Variants in COL18A1 observed in about 807,000 individuals in gnomAD.
COL18A1 encodes the protein collagen alpha-1(XVIII) chain.
In COL18A1, 133 loss-of-function variants were observed where a neutral mutation model predicts 168.0. The observed-to-expected ratio is 0.79, with a 90% confidence interval of 0.69 to 0.91. COL18A1 has a LOEUF of 0.91. Among genes scored for constraint, COL18A1 ranks in the 40% least tolerant of loss-of-function variants. The probability of loss-of-function intolerance (pLI) is 0.00; values close to 1 mark genes in which losing one functional copy is unlikely to be tolerated. For missense variants in COL18A1, 2,126 were observed against 1,925.4 expected (o/e 1.10, Z -1.95); for synonymous variants, 949 against 809.0 (o/e 1.17, Z -2.94).
Position 45,487,434 on chromosome 21 carries a change from G to T in COL18A1, c.1834-13G>T, listed in dbSNP as rs780879170. On this transcript the variant is annotated splice_polypyrimidine_tract_variant and intron_variant, in intron 16 of 41. Coordinates refer to ENST00000651438, the MANE Select transcript of COL18A1 (RefSeq NM_001379500.1). ...GGACACAGGCCCCTACGTGTCTCGT[G>T]TGTCTCTTCCAGGATGACATGGAAG... is the stretch of plus-strand genomic sequence containing the variant. The T allele has an allele frequency of 1.2e-6, 2 of 1,612,576 alleles. No homozygotes were observed. Among genetic ancestry groups the T allele is most frequent in the Admixed American group, 1.7e-5 (1 of 60,036 alleles).
chr21:45,482,308 G>C, intron 14 of COL18A1: 1 of 672,486 alleles, frequency 1.5e-6, no homozygotes, highest in Non-Finnish European at 2.7e-6. Context: ...CGTTGGTTAC[G>C]GGGCAGTGGC....
At chr21:45,438,357 C>T (rs1029797774) in intron 2 of COL18A1, among the ~76,000 whole-genome samples, 2 of 142,900 alleles carry the variant, frequency 1.4e-5, no homozygotes, top group African/African-American at 5.4e-5. Context: ...CTCAGACACA[C>T]AGGCACTCTC....
At chr21:45,482,093 TGCCTGGTGAC>T in intron 14 of COL18A1, 68 bp downstream of exon 14, 2 of 1,306,278 alleles carry the variant, frequency 1.5e-6, no homozygotes, top group South Asian at 2.4e-5. Flanking sequence ...GGTCCGGGGG[TGCCTGGTGAC>T]GCCCGTGAAG....
chr21:45,481,138 C>T lies in COL18A1; in HGVS notation c.1611+280C>T, dbSNP rs57312508. ...TGGCCCTGTGGGTCCACGGACTGCACAGAGAGCGTCTCCATGAGCAATTCC... is the reference window on the plus strand; with the variant it reads ...TGGCCCTGTGGGTCCACGGACTGCATAGAGAGCGTCTCCATGAGCAATTCC... On this transcript the variant is annotated intron_variant, in intron 13 of 41. Transcript: ENST00000651438. 2.1e-3 allele frequency among the ~76,000 whole-genome samples: 322 copies of T among 152,260 alleles called. 4 individuals are homozygous for T. Among genetic ancestry groups the T allele is most frequent in the African/African-American group, 7.3e-3 (305 of 41,556 alleles).
intron 2 of COL18A1, among the ~76,000 whole-genome samples, chr21:45,437,054 G>A (rs929399243): frequency 2.6e-5 from 4 of 152,014 alleles, no homozygotes. Flanking sequence ...AGGTTCTGCA[G>A]GTGAGGGTGT....
chr21:45,481,185 C>T (rs1367344857), intron 13 of COL18A1, among the ~76,000 whole-genome samples: 2 of 152,166 alleles, frequency 1.3e-5, no homozygotes, highest in African/African-American at 2.4e-5. Flanking sequence ...GTGGGAGGGC[C>T]GAGGTCAGCA....
intron 15 of COL18A1, among the ~76,000 whole-genome samples, chr21:45,483,050 C>T (rs985726436): frequency 9.2e-5 from 14 of 152,222 alleles, no homozygotes; most frequent in Non-Finnish European, 2.9e-5. Flanking sequence ...ATGTGGCTTC[C>T]GCCGAGCTCT....
intron 18 of COL18A1, among the ~76,000 whole-genome samples, chr21:45,488,811 A>G (rs1301138863): frequency 6.6e-6 from 1 of 152,064 alleles, no homozygotes; most frequent in Non-Finnish European, 1.5e-5. Flanking sequence ...GGGCTCAGGG[A>G]CAGAGCCGTG....
chr21:45,413,164 C>T (rs1047999712), intron 2 of COL18A1, among the ~76,000 whole-genome samples: 1 of 152,218 alleles, frequency 6.6e-6, no homozygotes, highest in Non-Finnish European at 1.5e-5. Flanking sequence ...ACCCTTAGGG[C>T]AGAGCCCCGT....
intron 2 of COL18A1, among the ~76,000 whole-genome samples, chr21:45,437,714 A>T (rs2034205951): frequency 1.2e-5 from 1 of 80,694 alleles, no homozygotes; most frequent in East Asian, 4.2e-4. Context: ...ACTCAGACAC[A>T]CAGGCACTCT....
chr21:45,484,943 C>CA (rs2036056550), intron 15 of COL18A1, among the ~76,000 whole-genome samples: 1 of 152,090 alleles, frequency 6.6e-6, no homozygotes, highest in African/African-American at 2.4e-5. Flanking sequence ...TAGAACCCTA[C>CA]AACCTAATTG....
At position 45,509,454 on chromosome 21, in the gene COL18A1, G is replaced by C. The variant is rs1333622483; in HGVS notation, c.3348G>C (p.Trp1116Cys). 6.5e-7 allele frequency: 1 copy of C among 1,533,864 alleles called. No homozygotes were observed. The highest frequency in any genetic ancestry group is 8.8e-7 in the Non-Finnish European group (1 of 1,142,228). Reference sequence around the variant, plus strand: ...ACCCCCACCCCACCGCGCGGCCCTGGCGGGCAGATGACATCCTGGCCAGCC... The same window carrying C: ...ACCCCCACCCCACCGCGCGGCCCTGCCGGGCAGATGACATCCTGGCCAGCC... ...REHPHPTARP[W>C]RADDILASPP... The change falls in exon 39 of 42, where the codon TGG becomes TGC. Residue 1116 changes from tryptophan (W) to cysteine (C), a missense_variant. By Grantham distance (215) the Trp-to-Cys change is radical. Coordinates refer to ENST00000651438, the MANE Select transcript of COL18A1 (RefSeq NM_001379500.1).
intron 37 of COL18A1, chr21:45,506,361 G>C (rs941205016): frequency 1.7e-5 from 6 of 353,016 alleles, no homozygotes; most frequent in Non-Finnish European, 3.3e-5. Flanking sequence ...TGGGGGGCAG[G>C]CTGTCCCGTG....
At chr21:45,504,165 C>T (rs1007837591) in intron 33 of COL18A1, 111 bp downstream of exon 33, 11 of 1,275,256 alleles carry the variant, frequency 8.6e-6, no homozygotes, top group Middle Eastern at 2.5e-4. Flanking sequence ...CTGTTCAGCC[C>T]TGCGAGGGGC....
intron 33 of COL18A1, 42 bp from the exon 34 acceptor site, chr21:45,504,374 A>T (rs745862494): frequency 6.3e-7 from 1 of 1,592,422 alleles, no homozygotes; most frequent in Non-Finnish European, 8.6e-7. Flanking sequence ...TGTGGCTTGT[A>T]GGGGTTCAGG....
At chr21:45,466,885 G>A (rs776427439) in intron 2 of COL18A1, among the ~76,000 whole-genome samples, 6 of 152,222 alleles carry the variant, frequency 3.9e-5, no homozygotes, top group Non-Finnish European at 5.9e-5. Context: ...CCCCCAGGCC[G>A]AGTCCTGTTT....
intron 2 of COL18A1, among the ~76,000 whole-genome samples, chr21:45,409,752 C>T (rs2033232203): frequency 6.6e-6 from 1 of 152,252 alleles, no homozygotes; most frequent in Admixed American, 6.5e-5. Context: ...TCCTTAACCC[C>T]GGGGCGGGAG....
At chr21:45,482,467 A>T in intron 14 of COL18A1, 1 of 554,736 alleles carries the variant, frequency 1.8e-6, no homozygotes, top group Non-Finnish European at 3.3e-6. Context: ...TGAGCAGGGG[A>T]CGCGGGCTGT....
chr21:45,405,486 C>T lies in COL18A1; in HGVS notation c.106+13C>T, dbSNP rs1275548618. ...TCCGCGGAGCCAGGTAAGACCCGGG[C>T]GGGACGGGAAGGTTCGCGCCGGTGC... On this transcript the variant is annotated intron_variant, in intron 2 of 41. Transcript: ENST00000651438. 7.4e-7 allele frequency: 1 copy of T among 1,353,274 alleles called. No homozygotes were observed. Among genetic ancestry groups the T allele is most frequent in the Non-Finnish European group, 9.6e-7 (1 of 1,043,508 alleles). The allele number at this position is 1,353,274 out of a possible 1,614,324, so 83.8% of individuals were successfully genotyped here. A position where few individuals can be genotyped will look rare whatever the true frequency, so the allele number is the denominator to read the frequency against.
Sources: gnomAD v4.1 joint callset for allele counts (sites outside exome capture counted in the v4.1 genomes callset) on GRCh38, gnomAD v4.1.1 for gene constraint, MANE v1.5 for transcripts, NCBI Gene and HGNC (gene_info 2026-07-23, HGNC 2026-07-21) for gene names.